OCA2: variants seen among roughly 807,000 people sequenced by gnomAD.
OCA2 encodes the protein OCA2 melanosomal transmembrane protein.
In OCA2, 77 loss-of-function variants were observed where a neutral mutation model predicts 100.2. That is an observed-to-expected ratio of 0.77 (90% confidence interval 0.64 to 0.93). OCA2 has a LOEUF of 0.93. OCA2 is among the 40% of genes least tolerant of loss of function. The pLI is 0.00. For missense variants in OCA2, 1,062 were observed against 1,089.1 expected (o/e 0.98, Z 0.35); for synonymous variants, 432 against 439.2 (o/e 0.98, Z 0.21).
At position 28,056,611 on chromosome 15, in the gene OCA2, C is replaced by T. The variant is rs752162462; in HGVS notation, c.228-24448G>A. Among the ~76,000 whole-genome samples the T allele has an allele frequency of 2.6e-5, 4 of 152,238 alleles. No individual in the cohort carries two copies. In the East Asian group the frequency reaches 5.8e-4, roughly 22 times the overall value. On this transcript the variant is annotated intron_variant, in intron 2 of 23. Transcript: ENST00000354638. ...TTCCACTGCTCTTTGAAAACTGAGTCGTTAGGAAAGCATCAGCAGTGGACA... is the reference window on the plus strand; with the variant it reads ...TTCCACTGCTCTTTGAAAACTGAGTTGTTAGGAAAGCATCAGCAGTGGACA...
chr15:27,961,803 T>C (rs2040419669), intron 15 of OCA2, among the ~76,000 whole-genome samples: 1 of 151,420 alleles, frequency 6.6e-6, no homozygotes, highest in African/African-American at 2.4e-5. Context: ...TGTCGGAGGG[T>C]TGGGGGCTAG....
intron 19 of OCA2, among the ~76,000 whole-genome samples, chr15:27,918,868 A>G (rs1279870735): frequency 6.6e-6 from 1 of 152,242 alleles, no homozygotes; most frequent in Non-Finnish European, 1.5e-5. Context: ...GAATGAGAAG[A>G]CAGACAAAAG....
At chr15:27,883,715 A>G (rs2037116136) in intron 19 of OCA2, among the ~76,000 whole-genome samples, 1 of 152,180 alleles carries the variant, frequency 6.6e-6, no homozygotes, top group Non-Finnish European at 1.5e-5. Context: ...AAGCAGGCTG[A>G]TATATCTCAG....
chr15:27,757,558 G>A (rs2030483206), intron 23 of OCA2, among the ~76,000 whole-genome samples: 1 of 152,224 alleles, frequency 6.6e-6, no homozygotes, highest in African/African-American at 2.4e-5. Context: ...ACAGAGACAG[G>A]TACCACAATA....
chr15:28,079,713 A>G (rs530886576), intron 2 of OCA2, among the ~76,000 whole-genome samples: 1 of 152,074 alleles, frequency 6.6e-6, no homozygotes, highest in Non-Finnish European at 1.5e-5. Flanking sequence ...ACCTTCTGGC[A>G]TCTCCACACT....
chr15:27,768,142 G>C (rs1417392504), intron 23 of OCA2, among the ~76,000 whole-genome samples: 3 of 152,176 alleles, frequency 2.0e-5, no homozygotes, highest in Admixed American at 2.0e-4. Flanking sequence ...TGTGAGGTGC[G>C]GCCCCTGCCA....
At chr15:28,040,498 T>C (rs957576924) in intron 2 of OCA2, among the ~76,000 whole-genome samples, 2 of 151,968 alleles carry the variant, frequency 1.3e-5, no homozygotes, top group African/African-American at 4.8e-5. Context: ...AAATAATAAA[T>C]ATTAGAGAGG....
the OCA2 span, among the ~76,000 whole-genome samples, chr15:27,743,816 C>G: frequency 3.3e-5 from 5 of 152,162 alleles, no homozygotes; most frequent in Admixed American, 3.3e-4. Context: ...CTTTCGGCAG[C>G]CTCCTTCACC....
chr15:27,827,006 T>C (rs2034751732), intron 23 of OCA2, among the ~76,000 whole-genome samples: 1 of 152,234 alleles, frequency 6.6e-6, no homozygotes. Context: ...TGCCCTTCCC[T>C]TGAGTGGAGC....
At chr15:27,867,913 C>T (rs116308130) in intron 21 of OCA2, among the ~76,000 whole-genome samples, 218 of 152,276 alleles carry the variant, frequency 1.4e-3, no homozygotes, top group African/African-American at 4.9e-3. Flanking sequence ...TGTGAAGCTC[C>T]TTTCCTCCCT....
At chr15:27,738,438 A>G in the OCA2 span, among the ~76,000 whole-genome samples, 2 of 152,206 alleles carry the variant, frequency 1.3e-5, no homozygotes, top group Admixed American at 6.5e-5. Context: ...TTCCACTTAT[A>G]AGAAGCTCAA....
chr15:27,998,950 C>CA (rs2041839940), intron 9 of OCA2, among the ~76,000 whole-genome samples: 1 of 148,606 alleles, frequency 6.7e-6, no homozygotes, highest in Admixed American at 6.8e-5. Flanking sequence ...ATCGCAAGGA[C>CA]AAAAAACCAA....
chr15:28,019,617 C>A (rs1334852723), intron 6 of OCA2, among the ~76,000 whole-genome samples: 1 of 152,184 alleles, frequency 6.6e-6, no homozygotes, highest in Non-Finnish European at 1.5e-5. Flanking sequence ...AGCTCCTCCC[C>A]TCACAGCAGA....
intron 21 of OCA2, among the ~76,000 whole-genome samples, chr15:27,854,551 G>A (rs926466248): frequency 1.3e-5 from 2 of 152,206 alleles, no homozygotes; most frequent in African/African-American, 4.8e-5. Flanking sequence ...TCAATCTGAT[G>A]CAGAATCAGA....
intron 2 of OCA2, among the ~76,000 whole-genome samples, chr15:28,054,671 A>T (rs72712670): frequency 0.092 from 14,016 of 152,244 alleles, 823 homozygotes; most frequent in African/African-American, 0.16. Context: ...TTACTTACAC[A>T]TAAGTCCAAG....
At chr15:27,918,599 A>C (rs540130053) in intron 19 of OCA2, among the ~76,000 whole-genome samples, 3 of 152,362 alleles carry the variant, frequency 2.0e-5, no homozygotes, top group African/African-American at 7.2e-5. Context: ...TTTCAGTCAC[A>C]AATGAAAATT....
intron 2 of OCA2, among the ~76,000 whole-genome samples, chr15:28,049,007 CAA>C (rs1239709577): frequency 2.6e-5 from 4 of 152,062 alleles, no homozygotes; most frequent in African/African-American, 7.2e-5. Flanking sequence ...GTCTCAAAAA[CAA>C]GAGAACAAAA....
chr15:27,921,228 G>A lies in OCA2; in HGVS notation c.2079+4899C>T, dbSNP rs79929050. Among the ~76,000 whole-genome samples the A allele has an allele frequency of 4.6e-3, 701 of 152,026 alleles. 4 individuals carry two copies. Among genetic ancestry groups the A allele is most frequent in the African/African-American group, 0.016 (665 of 41,484 alleles). On this transcript the variant is annotated intron_variant, in intron 19 of 23. Transcript: ENST00000354638. ...CAGTAACAGAAAAATGACTCAATGCGCATATAGGGGAAACAATGATTAACA... is the reference window on the plus strand; with the variant it reads ...CAGTAACAGAAAAATGACTCAATGCACATATAGGGGAAACAATGATTAACA...
intron 9 of OCA2, among the ~76,000 whole-genome samples, chr15:27,998,596 T>C (rs1317089191): frequency 2.1e-5 from 3 of 145,588 alleles, no homozygotes; most frequent in African/African-American, 7.5e-5. Flanking sequence ...TTTACACTGT[T>C]GGTGGGACTG....
Sources: allele counts gnomAD v4.1 joint callset (sites outside exome capture counted in the v4.1 genomes callset), GRCh38; gene constraint gnomAD v4.1.1; transcripts MANE v1.5; gene names NCBI Gene and HGNC (gene_info 2026-07-23, HGNC 2026-07-21).